The following COL14A1 variants were observed in gnomAD, a reference collection of about 807,000 sequenced individuals.
COL14A1 encodes the protein collagen alpha-1(XIV) chain.
A neutral mutation model predicts 230.3 loss-of-function variants in COL14A1; 136 were observed. That is an observed-to-expected ratio of 0.59 (90% CI 0.51 to 0.68). The LOEUF (loss-of-function observed/expected upper bound fraction) is 0.68, where lower values mean the gene tolerates loss of function less well. Among genes scored for constraint, COL14A1 ranks in the 30% least tolerant of loss-of-function variants. The pLI, the probability that COL14A1 is intolerant of heterozygous loss-of-function variation, is 0.00. For missense variants in COL14A1, 1,976 were observed against 2,215.8 expected (o/e 0.89, Z 2.17); for synonymous variants, 792 against 784.1 (o/e 1.01, Z -0.17).
At position 120,290,167 on chromosome 8, in the gene COL14A1, T is replaced by C. The variant is rs561013323; in HGVS notation, c.4236+401T>C. Among the ~76,000 whole-genome samples the C allele has an allele frequency of 3.9e-5, 6 of 152,310 alleles. No homozygotes were observed. In the South Asian group the frequency reaches 1.2e-3, roughly 32 times the overall value. ...TAAGCAAATACAAATCCACACAAAATTAGTGAATATTATACACAGGAAATT... is the reference window on the plus strand; with the variant it reads ...TAAGCAAATACAAATCCACACAAAACTAGTGAATATTATACACAGGAAATT... On this transcript the variant is annotated intron_variant, in intron 34 of 47. Coordinates refer to ENST00000297848, the MANE Select transcript of COL14A1 (RefSeq NM_021110.4).
At chr8:120,215,984 G>A (rs1437613512) in intron 13 of COL14A1, among the ~76,000 whole-genome samples, 1 of 152,172 alleles carries the variant, frequency 6.6e-6, no homozygotes, top group Non-Finnish European at 1.5e-5. Context: ...GGCTTTGCCA[G>A]AGTCACATGG....
chr8:120,131,259 G>C (rs187960593), intron 1 of COL14A1, among the ~76,000 whole-genome samples: 1 of 152,068 alleles, frequency 6.6e-6, no homozygotes, highest in Admixed American at 6.5e-5. Context: ...TGAGTTGAAC[G>C]GTAGTTTTTT....
chr8:120,218,766 G>A (rs1300130577), intron 14 of COL14A1, among the ~76,000 whole-genome samples: 1 of 152,190 alleles, frequency 6.6e-6, no homozygotes, highest in Non-Finnish European at 1.5e-5. Context: ...GGAAGTGTGT[G>A]CATCCAGGAC....
intron 36 of COL14A1, 134 bp downstream of exon 36, chr8:120,300,952 A>G: frequency 1.4e-6 from 1 of 711,234 alleles, no homozygotes; most frequent in East Asian, 2.6e-5. Flanking sequence ...TGAGACACAG[A>G]GATGTTAAGT....
intron 45 of COL14A1, among the ~76,000 whole-genome samples, chr8:120,350,853 C>T (rs1486232697): frequency 2.6e-5 from 4 of 151,646 alleles, no homozygotes; most frequent in Non-Finnish European, 5.9e-5. Flanking sequence ...ACAAGGATAC[C>T]CAGGAATTGA....
At chr8:120,234,111 C>CTCTG (rs1818365970) in intron 19 of COL14A1, among the ~76,000 whole-genome samples, 1 of 90,752 alleles carries the variant, frequency 1.1e-5, no homozygotes, top group Non-Finnish European at 2.0e-5. Flanking sequence ...TGATTTGGCT[C>CTCTG]TCTGTCTATT....
At position 120,215,088 on chromosome 8, in the gene COL14A1, G is replaced by A. The variant is rs371557235; in HGVS notation, c.1598-1263G>A. ...ATGTAGGGCCATAAAGACCATTCTA[G>A]GCTTGCTGCGGTGGCTCACGCCTGT... On this transcript the variant is annotated intron_variant, in intron 13 of 47. Transcript: ENST00000297848. 2.6e-5 allele frequency among the ~76,000 whole-genome samples: 4 copies of A among 152,316 alleles called. No homozygotes were observed. The East Asian group carries it at 5.8e-4, about 22-fold the overall frequency.
chr8:120,363,680 G>T (rs1346371558), intron 45 of COL14A1, among the ~76,000 whole-genome samples: 2 of 152,182 alleles, frequency 1.3e-5, no homozygotes, highest in Non-Finnish European at 2.9e-5. Flanking sequence ...CCTAAGAGTG[G>T]CCATGGACTG....
At chr8:120,130,506 C>T (rs1170728484) in intron 1 of COL14A1, among the ~76,000 whole-genome samples, 1 of 152,080 alleles carries the variant, frequency 6.6e-6, no homozygotes, top group Non-Finnish European at 1.5e-5. Flanking sequence ...GTTGCTTTCC[C>T]CTTCCATTTG....
At chr8:120,254,992 AAAAC>A (rs879712894) in intron 22 of COL14A1, among the ~76,000 whole-genome samples, 2 of 152,176 alleles carry the variant, frequency 1.3e-5, no homozygotes, top group Non-Finnish European at 2.9e-5. Context: ...ACCCCATCTC[AAAAC>A]AAACAAACAA....
chr8:120,371,506 A>T lies in COL14A1; in HGVS notation c.*275A>T, dbSNP rs566110757. On this transcript the variant is annotated 3_prime_UTR_variant, in exon 48 of 48. Coordinates refer to ENST00000297848, the MANE Select transcript of COL14A1 (RefSeq NM_021110.4). ...TTTGTTTTTCCAGAGAAGAGAGCTC[A>T]AAGAGGAATTGGGAAAAATAAATTG... is the stretch of plus-strand genomic sequence containing the variant. 167 of 397,152 alleles carry T rather than the reference A, an allele frequency of 4.2e-4. No homozygotes were observed. Among genetic ancestry groups the T allele is most frequent in the African/African-American group, 3.2e-3 (158 of 48,712 alleles). 24.6% of individuals were successfully genotyped at this position (397,152 alleles called of 1,614,324 possible).
At position 120,288,171 on chromosome 8, in the gene COL14A1, C is replaced by T. The variant is rs562773229; in HGVS notation, c.4078-1437C>T. Among the ~76,000 whole-genome samples, 18 of 152,100 alleles carry T rather than the reference C, an allele frequency of 1.2e-4. No homozygotes were observed. The South Asian group carries it at 3.7e-3, about 32-fold the overall frequency. ...GAAAGTGTTCTAAGGCTCAAAAACACATAAGAGTTGAATTATACTCTAGTA... is the reference window on the plus strand; with the variant it reads ...GAAAGTGTTCTAAGGCTCAAAAACATATAAGAGTTGAATTATACTCTAGTA... On this transcript the variant is annotated intron_variant, in intron 33 of 47. Coordinates refer to ENST00000297848, the MANE Select transcript of COL14A1 (RefSeq NM_021110.4).
chr8:120,142,033 A>G (rs1814932246), intron 1 of COL14A1, among the ~76,000 whole-genome samples: 1 of 152,158 alleles, frequency 6.6e-6, no homozygotes, highest in South Asian at 2.1e-4. Context: ...ACACTTGGCC[A>G]GGGATGTCTA....
chr8:120,184,171 AGT>A (rs1342584072), intron 5 of COL14A1, among the ~76,000 whole-genome samples: 1 of 151,538 alleles, frequency 6.6e-6, no homozygotes, highest in Non-Finnish European at 1.5e-5. Flanking sequence ...AGCAAAGGAA[AGT>A]GTGTGTGTAT....
chr8:120,329,436 A>T lies in COL14A1; in HGVS notation c.4660-2705A>T, dbSNP rs189164565. Among the ~76,000 whole-genome samples, 46 of 152,214 alleles carry T rather than the reference A, an allele frequency of 3.0e-4. No individual in the cohort carries two copies. The East Asian group carries it at 5.8e-3, about 19-fold the overall frequency. ...AGCCTGAGCAATGTGACAAAACCCC[A>T]TCTCTACAAAACATACAAAAATTAG... is the stretch of plus-strand genomic sequence containing the variant. On this transcript the variant is annotated intron_variant, in intron 40 of 47. Coordinates refer to ENST00000297848, the MANE Select transcript of COL14A1 (RefSeq NM_021110.4).
intron 10 of COL14A1, among the ~76,000 whole-genome samples, chr8:120,207,720 TTTG>T (rs202032385): frequency 0.012 from 1,897 of 152,298 alleles, 32 homozygotes; most frequent in African/African-American, 0.042. Context: ...TCTTTTTCTT[TTTG>T]TTGTTCTAGC....
chr8:120,287,753 A>T (rs1820249141), intron 33 of COL14A1, among the ~76,000 whole-genome samples: 1 of 152,214 alleles, frequency 6.6e-6, no homozygotes, highest in African/African-American at 2.4e-5. Context: ...CTCATGTGAC[A>T]AAATACTTTA....
intron 40 of COL14A1, among the ~76,000 whole-genome samples, chr8:120,322,890 C>G (rs1289642508): frequency 1.3e-5 from 2 of 152,150 alleles, no homozygotes; most frequent in East Asian, 3.9e-4. Context: ...TATAATAGAA[C>G]AGTTTATATT....
intron 32 of COL14A1, among the ~76,000 whole-genome samples, chr8:120,284,617 C>A (rs1234272787): frequency 6.6e-6 from 1 of 152,052 alleles, no homozygotes; most frequent in Non-Finnish European, 1.5e-5. Flanking sequence ...AAGGATTTTT[C>A]AGTACATGGA....
Sources: gnomAD v4.1 joint callset for allele counts (sites outside exome capture counted in the v4.1 genomes callset) on GRCh38, gnomAD v4.1.1 for gene constraint, MANE v1.5 for transcripts, NCBI Gene and HGNC (gene_info 2026-07-23, HGNC 2026-07-21) for gene names.